The following VSIG1 variants were observed in gnomAD, a reference collection of about 807,000 sequenced individuals.
VSIG1 encodes the protein V-set and immunoglobulin domain-containing protein 1.
A neutral mutation model predicts 20.1 loss-of-function variants in VSIG1; 11 were observed. The ratio of observed to expected loss-of-function variants is 0.55; its 90% CI spans 0.34 to 0.91. VSIG1 has a LOEUF of 0.91. VSIG1 is among the 40% of genes least tolerant of loss of function. The probability of loss-of-function intolerance (pLI) is 0.02; values close to 1 mark genes in which losing one functional copy is unlikely to be tolerated. For missense variants in VSIG1, 283 were observed against 298.8 expected, an observed-to-expected ratio of 0.95 and a Z score of 0.39; for synonymous variants, 126 against 116.7, an observed-to-expected ratio of 1.08 and a Z score of -0.52.
chrX:108,047,937 C>CATATATATAT (rs1163371858), intron 1 of VSIG1, among the ~76,000 whole-genome samples: 1 of 33,593 alleles, frequency 3.0e-5, no homozygotes, highest in African/African-American at 1.8e-4. Flanking sequence ...TATATATACA[C>CATATATATAT]ATATATATAT....
chrX:108,032,525 T>C, the VSIG1 span, among the ~76,000 whole-genome samples: 1 of 111,491 alleles, frequency 9.0e-6, no homozygotes, highest in Non-Finnish European at 1.9e-5. Context: ...AAATGCTCTA[T>C]GGAGAAAATA....
chrX:108,058,139 T>C lies in VSIG1; in HGVS notation c.151T>C (p.Ser51Pro), dbSNP rs2030947696. ...LICIYTTTVA[S>P]REQLSIQWSF... ...CTGCATCTACACCACCACTGTGGCC[T>C]CCCGAGAACAGCTTTCCATCCAGTG... The change falls in exon 2 of 7, where the codon TCC becomes CCC. Residue 51 changes from serine (S) to proline (P), a missense_variant. Transcript: ENST00000217957. 10 of 1,211,161 alleles carry C rather than the reference T, an allele frequency of 8.3e-6. No homozygotes were observed. In the East Asian group the frequency reaches 3.0e-4, roughly 36 times the overall value.
At chrX:108,034,163 G>C in the VSIG1 span, among the ~76,000 whole-genome samples, 1 of 110,518 alleles carries the variant, frequency 9.0e-6, no homozygotes, top group African/African-American at 3.3e-5. Flanking sequence ...TTGGGGTTGG[G>C]GGTGCTTGTA....
At chrX:108,053,429 C>T (rs1036454761) in intron 1 of VSIG1, among the ~76,000 whole-genome samples, 2 of 111,195 alleles carry the variant, frequency 1.8e-5, no homozygotes, top group Non-Finnish European at 3.8e-5. Context: ...TTATGACTCA[C>T]ACATGAATGT....
intron 1 of VSIG1, among the ~76,000 whole-genome samples, chrX:108,055,502 C>T (rs2030875984): frequency 9.0e-6 from 1 of 111,420 alleles, no homozygotes; most frequent in Admixed American, 9.5e-5. Context: ...AAAAACAGTA[C>T]AAAAATAGAA....
At chrX:108,040,817 T>A (rs1242710097), upstream of VSIG1, among the ~76,000 whole-genome samples, 1 of 111,268 alleles carries the variant, frequency 9.0e-6, no homozygotes, top group African/African-American at 3.3e-5. Context: ...AAGCAAATTA[T>A]AGAACAAAAT....
chrX:108,044,952 C>T, upstream of VSIG1: 1 of 311,516 alleles, frequency 3.2e-6, no homozygotes, highest in Non-Finnish European at 5.6e-6. Context: ...TTCAAAGAAA[C>T]ACAAATCTGT....
intron 1 of VSIG1, among the ~76,000 whole-genome samples, chrX:108,047,855 T>TATATATATACATATATATAC (rs1569287117): frequency 5.1e-5 from 2 of 39,586 alleles, no homozygotes; most frequent in African/African-American, 1.5e-4. Context: ...CATATATATA[T>TATATATATACATATATATAC]ACACATATAT....
chrX:108,034,709 T>A, the VSIG1 span, among the ~76,000 whole-genome samples: 6 of 112,418 alleles, frequency 5.3e-5, no homozygotes, highest in African/African-American at 1.9e-4. Context: ...TATAACAATC[T>A]TATATGTAAG....
At chrX:108,071,148 G>T (rs1337776385) in intron 3 of VSIG1, among the ~76,000 whole-genome samples, 1 of 111,603 alleles carries the variant, frequency 9.0e-6, no homozygotes, top group African/African-American at 3.3e-5. Context: ...ATTCTGTGTG[G>T]ATCCAGAGCT....
Position 108,048,375 on chromosome X carries a change from A to T in VSIG1, c.49+3196A>T, listed in dbSNP as rs758548208. Among the ~76,000 whole-genome samples, 84 of 111,940 alleles carry T rather than the reference A, an allele frequency of 7.5e-4. 3 individuals are homozygous for T. In the East Asian group the frequency reaches 0.022, roughly 29 times the overall value. On this transcript the variant is annotated intron_variant, in intron 1 of 6. Transcript: ENST00000217957. The stretch of plus-strand genomic sequence containing the variant: ...TTTCTTTAATAATAAGCACTTTTTT[A>T]ATTATTATTATACTTTAAGTTTTAG...
chrX:108,055,704 A>C (rs1602570410), intron 1 of VSIG1, among the ~76,000 whole-genome samples: 3 of 88,902 alleles, frequency 3.4e-5, no homozygotes, highest in African/African-American at 1.1e-4. Context: ...GCTAAAGAAA[A>C]AAAAATATGA....
rs1555980365 is a variant in VSIG1 at position 108,047,921 on chromosome X, C to CACAT, written c.49+2743_49+2744insCATA. On this transcript the variant is annotated intron_variant, in intron 1 of 6. Transcript: ENST00000217957. The stretch of plus-strand genomic sequence containing the variant: ...ATATATATACACATATATATATACA[C>CACAT]ATATATATATATACACATATATATA... Among the ~76,000 whole-genome samples the CACAT allele has an allele frequency of 2.2e-3, 133 of 60,871 alleles. 7 individuals are homozygous for CACAT. Among genetic ancestry groups the CACAT allele is most frequent in the Non-Finnish European group, 2.7e-3 (98 of 36,866 alleles). The allele number at this position is 60,871 out of a possible 115,157, so 52.9% of individuals were successfully genotyped here.
At chrX:108,039,932 A>C in the VSIG1 span, among the ~76,000 whole-genome samples, 1 of 111,294 alleles carries the variant, frequency 9.0e-6, no homozygotes, top group Non-Finnish European at 1.9e-5. Flanking sequence ...TATCATAATT[A>C]TACAATAATA....
chrX:108,043,259 A>C (rs1311082280), upstream of VSIG1, among the ~76,000 whole-genome samples: 4 of 112,297 alleles, frequency 3.6e-5, no homozygotes, highest in Non-Finnish European at 7.5e-5. Flanking sequence ...AATTCAAGCC[A>C]GTGCTAGATT....
the VSIG1 span, among the ~76,000 whole-genome samples, chrX:108,023,830 A>G: frequency 8.9e-6 from 1 of 112,162 alleles, no homozygotes; most frequent in African/African-American, 3.2e-5. Flanking sequence ...TGGAGTTTCC[A>G]TAGGAAAAGC....
the VSIG1 span, among the ~76,000 whole-genome samples, chrX:108,025,960 T>A: frequency 1.8e-5 from 2 of 110,511 alleles, no homozygotes; most frequent in African/African-American, 6.9e-5. Flanking sequence ...AGGCTGTGGT[T>A]CCTGTCTATG....
rs200336582 is a variant in VSIG1, at chrX:108,077,081, C to G, written c.864C>G (p.Ser288Arg). The G allele has an allele frequency of 8.3e-7, 1 of 1,210,033 alleles. No homozygotes were observed. The change falls in exon 7 of 7, where the codon AGC becomes AGG. Residue 288 changes from serine to arginine, a missense_variant. By Grantham distance (110) the Ser-to-Arg change is moderately radical. Coordinates refer to ENST00000217957, the MANE Select transcript of VSIG1 (RefSeq NM_182607.5). The part of the protein sequence containing the change: ...PMTKINPRGE[S>R]EAMPREDATQ... ...CAAAGATAAACCCAAGGGGAGAAAGCGAAGCAATGCCAAGAGAAGACGCTA... is the reference window on the plus strand; with the variant it reads ...CAAAGATAAACCCAAGGGGAGAAAGGGAAGCAATGCCAAGAGAAGACGCTA...
rs1234025054 is a variant in VSIG1, at chrX:108,068,245, G to C, written c.412+1111G>C. On this transcript the variant is annotated intron_variant, in intron 3 of 6. Transcript: ENST00000217957. Reference sequence around the variant, plus strand: ...CCTAAGAGCTATTTTTTAAGAGTGGGTTAGCTTAATCAATCATATTTTTAT... The same window carrying C: ...CCTAAGAGCTATTTTTTAAGAGTGGCTTAGCTTAATCAATCATATTTTTAT... Among the ~76,000 whole-genome samples, 3 of 111,796 alleles carry C rather than the reference G, an allele frequency of 2.7e-5. No individual in the cohort carries two copies. The East Asian group carries it at 8.4e-4, about 31-fold the overall frequency.
Sources: gnomAD v4.1 joint callset for allele counts (sites outside exome capture counted in the v4.1 genomes callset) on GRCh38, gnomAD v4.1.1 for gene constraint, MANE v1.5 for transcripts, NCBI Gene and HGNC (gene_info 2026-07-23, HGNC 2026-07-21) for gene names.